Variants in LARGE1 observed in about 807,000 individuals in gnomAD.
LARGE1 encodes the protein LARGE xylosyl- and glucuronyltransferase 1.
LARGE1 carries 43 observed loss-of-function variants against 87.6 expected under a neutral mutation model. The ratio of observed to expected loss-of-function variants is 0.49; its 90% CI spans 0.38 to 0.63. The LOEUF (loss-of-function observed/expected upper bound fraction) is 0.63. LARGE1 is among the 30% of genes least tolerant of loss of function. The pLI is 0.00. For missense variants in LARGE1, 802 were observed against 1,000.2 expected, an observed-to-expected ratio of 0.80 and a Z score of 2.67; for synonymous variants, 434 against 394.6, an observed-to-expected ratio of 1.10 and a Z score of -1.18.
chr22:33,309,067 G>A lies in LARGE1; in HGVS notation c.1452-4560C>T, dbSNP rs1056443951. Among the ~76,000 whole-genome samples the A allele has an allele frequency of 2.0e-5, 3 of 152,128 alleles. 1 individual carries two copies. Among genetic ancestry groups the A allele is most frequent in the Non-Finnish European group, 4.4e-5 (3 of 68,018 alleles). On this transcript the variant is annotated intron_variant, in intron 11 of 14. Coordinates refer to ENST00000397394, the MANE Select transcript of LARGE1 (RefSeq NM_133642.5). ...AGGGGCCTAGGCGCCTGCATTTCAG[G>A]AGCTTTTATTCTAGTGGGGAAAAAA...
chr22:33,136,230 A>C, the LARGE1 span, among the ~76,000 whole-genome samples: 1 of 152,188 alleles, frequency 6.6e-6, no homozygotes, highest in Non-Finnish European at 1.5e-5. Context: ...CATACCCAAG[A>C]CTGGGTAATT....
the LARGE1 span, among the ~76,000 whole-genome samples, chr22:33,069,198 C>T: frequency 2.9e-3 from 444 of 152,210 alleles, no homozygotes; most frequent in African/African-American, 9.9e-3. Flanking sequence ...ATTCCTCATT[C>T]GGCCGTCTAA....
intron 6 of LARGE1, among the ~76,000 whole-genome samples, chr22:33,446,554 C>A (rs140773830): frequency 6.6e-6 from 1 of 152,176 alleles, no homozygotes; most frequent in South Asian, 2.1e-4. Flanking sequence ...GGTATCTGCA[C>A]AGAATCTGAT....
At chr22:33,125,154 C>T in the LARGE1 span, among the ~76,000 whole-genome samples, 4 of 152,278 alleles carry the variant, frequency 2.6e-5, no homozygotes, top group East Asian at 1.9e-4. Context: ...GGATGGGCAG[C>T]GAGAGCAACT....
chr22:33,279,548 G>T (rs548866170), intron 13 of LARGE1, among the ~76,000 whole-genome samples: 1 of 152,338 alleles, frequency 6.6e-6, no homozygotes, highest in African/African-American at 2.4e-5. Flanking sequence ...TGGCCAATGG[G>T]TGGGCTTTGA....
chr22:33,782,904 G>T (rs959718146), intron 1 of LARGE1, among the ~76,000 whole-genome samples: 1 of 123,324 alleles, frequency 8.1e-6, no homozygotes, highest in Non-Finnish European at 1.7e-5. Context: ...AAAAAAGAGA[G>T]AGAGAGAGGG....
chr22:33,525,370 A>C (rs191788322), intron 6 of LARGE1, among the ~76,000 whole-genome samples: 1 of 152,330 alleles, frequency 6.6e-6, no homozygotes, highest in Non-Finnish European at 1.5e-5. Flanking sequence ...AAGAAATTGG[A>C]GGTATTCAGA....
intron 3 of LARGE1, among the ~76,000 whole-genome samples, chr22:33,626,871 T>A (rs1386782355): frequency 6.6e-6 from 1 of 152,006 alleles, no homozygotes; most frequent in African/African-American, 2.4e-5. Flanking sequence ...ACCCAAGGGG[T>A]CATCTCAACT....
intron 1 of LARGE1, among the ~76,000 whole-genome samples, chr22:33,909,750 A>G (rs559927130): frequency 6.6e-6 from 1 of 151,946 alleles, no homozygotes; most frequent in African/African-American, 2.4e-5. Flanking sequence ...GCGTTAGTCA[A>G]GATGGTCTCG....
chr22:33,323,359 T>A (rs1569055173), intron 10 of LARGE1, among the ~76,000 whole-genome samples: 2 of 152,186 alleles, frequency 1.3e-5, no homozygotes, highest in South Asian at 4.1e-4. Context: ...TTCAGGTGCA[T>A]TGCTTCATCA....
chr22:33,313,177 A>G (rs962599467), intron 11 of LARGE1, among the ~76,000 whole-genome samples: 2 of 151,366 alleles, frequency 1.3e-5, no homozygotes, highest in Non-Finnish European at 2.9e-5. Context: ...ACACCTTACT[A>G]TTGTGTTCCC....
intron 6 of LARGE1, among the ~76,000 whole-genome samples, chr22:33,473,230 G>A (rs1602006098): frequency 2.0e-5 from 3 of 151,344 alleles, no homozygotes; most frequent in Non-Finnish European, 2.9e-5. Flanking sequence ...GTGCAATGGC[G>A]TGATCTTGGC....
intron 4 of LARGE1, among the ~76,000 whole-genome samples, chr22:33,618,578 T>C (rs571563207): frequency 3.9e-5 from 6 of 152,366 alleles, no homozygotes; most frequent in South Asian, 2.1e-4. Flanking sequence ...TTCAAAGATA[T>C]CACGTGCCTA....
At chr22:33,093,400 G>C in the LARGE1 span, among the ~76,000 whole-genome samples, 1 of 152,228 alleles carries the variant, frequency 6.6e-6, no homozygotes, top group African/African-American at 2.4e-5. Context: ...CCACAGGAGA[G>C]TGACTACCCA....
At chr22:33,609,162 G>A (rs1304773251) in intron 4 of LARGE1, among the ~76,000 whole-genome samples, 4 of 152,192 alleles carry the variant, frequency 2.6e-5, no homozygotes, top group Non-Finnish European at 5.9e-5. Context: ...GGTGATGAAT[G>A]AGCTACGAGT....
intron 7 of LARGE1, among the ~76,000 whole-genome samples, chr22:33,431,334 G>A (rs966592504): frequency 6.6e-6 from 1 of 152,182 alleles, no homozygotes; most frequent in African/African-American, 2.4e-5. Flanking sequence ...AAGGGTTGAT[G>A]GATGAATGAA....
intron 11 of LARGE1, among the ~76,000 whole-genome samples, chr22:33,189,473 A>T (rs1390249404): frequency 2.0e-5 from 3 of 152,148 alleles, no homozygotes; most frequent in African/African-American, 7.2e-5. Context: ...TCACACACAC[A>T]CACACGCACA....
chr22:33,156,433 G>A, the LARGE1 span, among the ~76,000 whole-genome samples: 71 of 152,322 alleles, frequency 4.7e-4, no homozygotes, highest in African/African-American at 1.6e-3. Flanking sequence ...GAGACATGGA[G>A]TCAAAGGAGA....
intron 6 of LARGE1, among the ~76,000 whole-genome samples, chr22:33,533,889 G>GTT (rs797001822): frequency 5.0e-5 from 7 of 141,154 alleles, no homozygotes; most frequent in African/African-American, 1.8e-4. Context: ...TTAATTTCAG[G>GTT]TTTTTTTTTT....
Sources: allele counts gnomAD v4.1 joint callset (sites outside exome capture counted in the v4.1 genomes callset), GRCh38; gene constraint gnomAD v4.1.1; transcripts MANE v1.5; gene names NCBI Gene and HGNC (gene_info 2026-07-23, HGNC 2026-07-21).